The following PDE4D variants were observed in gnomAD, a reference collection of about 807,000 sequenced individuals.
The protein encoded by PDE4D is 3',5'-cyclic-AMP phosphodiesterase 4D.
In PDE4D, 24 loss-of-function variants were observed where a neutral mutation model predicts 87.4. The ratio of observed to expected loss-of-function variants is 0.27; its 90% CI spans 0.20 to 0.39. The LOEUF (loss-of-function observed/expected upper bound fraction) is 0.39. Ranked by LOEUF, PDE4D falls within the 10% of genes least tolerant of loss-of-function variation. PDE4D has a pLI of 1.00. For synonymous variants in PDE4D, 384 were observed against 383.2 expected, an observed-to-expected ratio of 1.00 and a Z score of -0.02; for missense variants, 714 against 1,041.0, an observed-to-expected ratio of 0.69 and a Z score of 4.32.
chr5:59,789,783 G>T (rs1402954051), intron 1 of PDE4D, among the ~76,000 whole-genome samples: 1 of 152,170 alleles, frequency 6.6e-6, no homozygotes, highest in African/African-American at 2.4e-5. Flanking sequence ...CAAAACAGGA[G>T]TTTGGGGTCA....
intron 2 of PDE4D, among the ~76,000 whole-genome samples, chr5:60,049,376 A>G (rs1210936021): frequency 6.6e-6 from 1 of 152,200 alleles, no homozygotes; most frequent in Non-Finnish European, 1.5e-5. Context: ...CATCAAAGTC[A>G]TTCTCCATCC....
intron 2 of PDE4D, among the ~76,000 whole-genome samples, chr5:60,053,060 A>G (rs749969825): frequency 4.6e-5 from 7 of 152,216 alleles, no homozygotes; most frequent in Non-Finnish European, 1.0e-4. Context: ...AAATGGAAAA[A>G]CATTCCATGC....
chr5:59,472,848 G>A (rs546812042), intron 1 of PDE4D, among the ~76,000 whole-genome samples: 4 of 152,074 alleles, frequency 2.6e-5, no homozygotes, highest in African/African-American at 9.6e-5. Flanking sequence ...TTAAAAAAAA[G>A]AACTTTGGAC....
At chr5:60,399,685 G>C (rs1273436203) in intron 1 of PDE4D, among the ~76,000 whole-genome samples, 2 of 152,256 alleles carry the variant, frequency 1.3e-5, no homozygotes, top group African/African-American at 4.8e-5. Flanking sequence ...AGGTCCAGCA[G>C]CACCAAGCAA....
At chr5:58,988,954 T>C (rs1377501700) in intron 10 of PDE4D, among the ~76,000 whole-genome samples, 1 of 152,174 alleles carries the variant, frequency 6.6e-6, no homozygotes, top group Non-Finnish European at 1.5e-5. Flanking sequence ...ACATTAGCAA[T>C]TATTTTCTTT....
At chr5:59,162,642 T>G (rs577247793) in intron 5 of PDE4D, among the ~76,000 whole-genome samples, 176 of 149,326 alleles carry the variant, frequency 1.2e-3, no homozygotes, top group African/African-American at 3.9e-3. Flanking sequence ...AGTGCAAGAC[T>G]AGCCTGGGCA....
At chr5:59,253,419 T>C (rs1388630430) in intron 1 of PDE4D, among the ~76,000 whole-genome samples, 4 of 152,166 alleles carry the variant, frequency 2.6e-5, no homozygotes, top group Non-Finnish European at 4.4e-5. Flanking sequence ...GCAAGCTAAT[T>C]GGATGCGGTA....
At chr5:59,248,041 G>GT (rs1491196566) in intron 1 of PDE4D, among the ~76,000 whole-genome samples, 2 of 47,854 alleles carry the variant, frequency 4.2e-5, no homozygotes, top group African/African-American at 1.4e-4. Context: ...GTATCTATTA[G>GT]TAAAAAAAAA....
intron 2 of PDE4D, among the ~76,000 whole-genome samples, chr5:60,075,165 T>A (rs1773155320): frequency 6.6e-6 from 1 of 152,190 alleles, no homozygotes; most frequent in South Asian, 2.1e-4. Flanking sequence ...TTCCTTTTCA[T>A]ATTTAGTGCT....
chr5:59,274,546 T>C (rs1764442851), intron 1 of PDE4D, among the ~76,000 whole-genome samples: 1 of 152,130 alleles, frequency 6.6e-6, no homozygotes, highest in South Asian at 2.1e-4. Flanking sequence ...AGAGGTGAGC[T>C]TAGTTATTTA....
intron 2 of PDE4D, among the ~76,000 whole-genome samples, chr5:59,195,625 A>C (rs1745304139): frequency 6.6e-6 from 1 of 152,204 alleles, no homozygotes; most frequent in Non-Finnish European, 1.5e-5. Context: ...TCTGCCACAT[A>C]CTAGGTGTGT....
At chr5:59,794,574 C>T (rs957958377) in intron 1 of PDE4D, among the ~76,000 whole-genome samples, 3 of 152,060 alleles carry the variant, frequency 2.0e-5, no homozygotes, top group African/African-American at 7.2e-5. Context: ...TGTAATTATA[C>T]CAATTGTCAC....
intron 1 of PDE4D, among the ~76,000 whole-genome samples, chr5:59,613,226 G>A (rs1385841427): frequency 1.3e-5 from 2 of 152,154 alleles, no homozygotes; most frequent in Admixed American, 6.5e-5. Context: ...GGAATTGGGA[G>A]TGTGAGGAAA....
chr5:60,519,490 G>A (rs2150264821), intron 1 of PDE4D, among the ~76,000 whole-genome samples: 1 of 152,322 alleles, frequency 6.6e-6, no homozygotes, highest in Non-Finnish European at 1.5e-5. Flanking sequence ...ACCTTTAAAT[G>A]TGCTGGTTTG....
In PDE4D at chr5:59,296,296, G is replaced by T. The variant is rs191084801; in HGVS notation, c.456-80328C>A. 2.7e-3 allele frequency among the ~76,000 whole-genome samples: 404 copies of T among 152,046 alleles called. 2 individuals are homozygous for T. Among genetic ancestry groups the T allele is most frequent in the African/African-American group, 9.4e-3 (389 of 41,500 alleles). On this transcript the variant is annotated intron_variant, in intron 1 of 14. Transcript: ENST00000340635. ...TAATAAATAATAGTAACCATACAGT[G>T]GGATTAGTTTCCAATGGTAAACATT...
chr5:59,464,086 G>C (rs1450687270), intron 1 of PDE4D, among the ~76,000 whole-genome samples: 4 of 152,170 alleles, frequency 2.6e-5, no homozygotes, highest in Non-Finnish European at 5.9e-5. Context: ...ACTGCGGAAG[G>C]CTGCAGGGAC....
At chr5:59,940,448 G>C (rs112790991) in intron 3 of PDE4D, among the ~76,000 whole-genome samples, 26 of 152,218 alleles carry the variant, frequency 1.7e-4, no homozygotes, top group Non-Finnish European at 2.9e-4. Flanking sequence ...TGGTGGTGGA[G>C]GTAGAGAGAG....
chr5:59,897,146 T>C (rs1751744842), upstream of PDE4D, among the ~76,000 whole-genome samples: 2 of 152,228 alleles, frequency 1.3e-5, no homozygotes, highest in South Asian at 2.1e-4. Flanking sequence ...ATCTTTTTCC[T>C]GAACAAACTT....
intron 1 of PDE4D, among the ~76,000 whole-genome samples, chr5:59,758,023 A>T (rs1175713831): frequency 2.0e-5 from 3 of 152,210 alleles, no homozygotes; most frequent in Admixed American, 2.0e-4. Flanking sequence ...AAATCTTTGA[A>T]TATTCATTGT....
Sources: gnomAD v4.1 joint callset for allele counts (sites outside exome capture counted in the v4.1 genomes callset) on GRCh38, gnomAD v4.1.1 for gene constraint, MANE v1.5 for transcripts, NCBI Gene and HGNC (gene_info 2026-07-23, HGNC 2026-07-21) for gene names.